LIPC: variants seen among roughly 807,000 people sequenced by gnomAD.
The protein encoded by LIPC is lipase C, hepatic type, also known as hepatic triacylglycerol lipase.
Under a neutral mutation model 50.7 loss-of-function variants are expected in LIPC, and 44 were observed. The ratio of observed to expected loss-of-function variants is 0.87; its 90% CI spans 0.68 to 1.11. The LOEUF is 1.11. Ranked by LOEUF, LIPC falls within the 50% of genes most tolerant of loss-of-function variation. LIPC has a pLI of 0.00. For missense variants in LIPC, 697 were observed against 648.2 expected (o/e 1.08, Z -0.82); for synonymous variants, 271 against 256.4 (o/e 1.06, Z -0.54).
At chr15:58,519,684 C>T (rs1416227105) in intron 1 of LIPC, among the ~76,000 whole-genome samples, 1 of 152,222 alleles carries the variant, frequency 6.6e-6, no homozygotes, top group Non-Finnish European at 1.5e-5. Context: ...TGAATATTTA[C>T]AGAATAGCGC....
intron 1 of LIPC, among the ~76,000 whole-genome samples, chr15:58,464,210 C>G (rs1239640462): frequency 6.6e-6 from 1 of 152,184 alleles, no homozygotes; most frequent in African/African-American, 2.4e-5. Flanking sequence ...TTTGTGGTGA[C>G]TTTATTGGCT....
chr15:58,441,004 A>T (rs1472672936), intron 1 of LIPC, among the ~76,000 whole-genome samples: 1 of 152,136 alleles, frequency 6.6e-6, no homozygotes, highest in African/African-American at 2.4e-5. Context: ...ACCACTGATG[A>T]GGGGGGTTGT....
intron 1 of LIPC, among the ~76,000 whole-genome samples, chr15:58,496,508 A>G (rs1381246929): frequency 2.0e-5 from 3 of 152,210 alleles, no homozygotes; most frequent in African/African-American, 4.8e-5. Context: ...AAGGAAGGGA[A>G]AGAATGACAG....
intron 1 of LIPC, among the ~76,000 whole-genome samples, chr15:58,504,963 A>G (rs988005984): frequency 1.2e-4 from 19 of 152,350 alleles, no homozygotes; most frequent in Admixed American, 5.9e-4. Flanking sequence ...CAGATAAAGA[A>G]TAGAACTCAT....
chr15:58,500,403 G>A (rs889421404), intron 1 of LIPC, among the ~76,000 whole-genome samples: 6 of 152,132 alleles, frequency 3.9e-5, no homozygotes, highest in Admixed American at 1.3e-4. Flanking sequence ...TCGTCTGAAC[G>A]TGCTTCCATG....
At chr15:58,504,089 C>G (rs1338813466) in intron 1 of LIPC, among the ~76,000 whole-genome samples, 1 of 152,206 alleles carries the variant, frequency 6.6e-6, no homozygotes, top group Non-Finnish European at 1.5e-5. Flanking sequence ...AATCCATACA[C>G]CAGTTTCAAG....
At chr15:58,436,556 A>G (rs1289515515) in intron 1 of LIPC, 1 of 290,188 alleles carries the variant, frequency 3.4e-6, no homozygotes, top group African/African-American at 2.2e-5. Flanking sequence ...ATGATTGCTG[A>G]TTTTTACATA....
chr15:58,491,810 G>C (rs1011748787), intron 1 of LIPC, among the ~76,000 whole-genome samples: 56 of 152,178 alleles, frequency 3.7e-4, no homozygotes, highest in African/African-American at 1.3e-3. Context: ...AAGAGGGCTG[G>C]GGTACCACAG....
intron 1 of LIPC, among the ~76,000 whole-genome samples, chr15:58,457,400 G>A (rs757535916): frequency 2.8e-4 from 42 of 152,158 alleles, no homozygotes; most frequent in Non-Finnish European, 5.1e-4. Flanking sequence ...GTGAGCCACC[G>A]CGCCCGGCAG....
intron 1 of LIPC, among the ~76,000 whole-genome samples, chr15:58,520,555 A>T (rs1355323251): frequency 6.6e-6 from 1 of 152,192 alleles, no homozygotes; most frequent in African/African-American, 2.4e-5. Context: ...AGCCCGCTGG[A>T]AAGCTGCCCC....
Position 58,519,163 on chromosome 15 carries a change from C to T in LIPC, c.89-19170C>T, listed in dbSNP as rs142604640. 2.7e-3 allele frequency among the ~76,000 whole-genome samples: 404 copies of T among 152,196 alleles called. 1 individual carries two copies. The highest frequency in any genetic ancestry group is 9.4e-3 in the African/African-American group (389 of 41,532). On this transcript the variant is annotated intron_variant, in intron 1 of 8. Transcript: ENST00000299022. ...GTGGCTCACGCCTGTAATCCCAGAA[C>T]TTCAGGAGGCCGAGGCAGGCAGATC...
intron 1 of LIPC, among the ~76,000 whole-genome samples, chr15:58,444,726 ACT>A (rs1893630258): frequency 6.6e-6 from 1 of 151,894 alleles, no homozygotes; most frequent in Non-Finnish European, 1.5e-5. Context: ...CTCTTTAAAG[ACT>A]CTGGCTCCAA....
At chr15:58,517,237 C>T (rs1254552148) in intron 1 of LIPC, among the ~76,000 whole-genome samples, 1 of 152,236 alleles carries the variant, frequency 6.6e-6, no homozygotes, top group Non-Finnish European at 1.5e-5. Context: ...AGGTTTTGAC[C>T]AATACCCAAT....
At chr15:58,506,422 G>C (rs1461072377) in intron 1 of LIPC, among the ~76,000 whole-genome samples, 7 of 152,158 alleles carry the variant, frequency 4.6e-5, no homozygotes, top group Admixed American at 4.6e-4. Context: ...CATGACCACT[G>C]TTCCAAGACA....
At chr15:58,491,820 G>T (rs113540504) in intron 1 of LIPC, among the ~76,000 whole-genome samples, 7 of 152,338 alleles carry the variant, frequency 4.6e-5, no homozygotes, top group African/African-American at 1.7e-4. Flanking sequence ...GGGTACCACA[G>T]GACTGTTGAC....
At chr15:58,480,616 A>C (rs34838631) in intron 1 of LIPC, among the ~76,000 whole-genome samples, 16,985 of 152,264 alleles carry the variant, frequency 0.11, 1,080 homozygotes, top group Middle Eastern at 0.18. Context: ...CATTTAAAAC[A>C]AGCTTGTCCA....
chr15:58,512,045 A>G (rs1267249796), intron 1 of LIPC, among the ~76,000 whole-genome samples: 1 of 152,096 alleles, frequency 6.6e-6, no homozygotes, highest in Non-Finnish European at 1.5e-5. Context: ...GTTATCTCTG[A>G]TTATGGGAAT....
At position 58,550,794 on chromosome 15, in the gene LIPC, C is replaced by CGTGCACCACCACGCCCAGCTAATTT. The variant is rs1353384609; in HGVS notation, c.1051+2222_1051+2223insGTGCACCACCACGCCCAGCTAATTT. Reference sequence around the variant, plus strand: ...GGGAGGTTCCAGTGCCGAGCTGTGGCTTGTACCACACCCTCTCCTTTTCTT... The same window carrying CGTGCACCACCACGCCCAGCTAATTT: ...GGGAGGTTCCAGTGCCGAGCTGTGGCGTGCACCACCACGCCCAGCTAATTTTTGTACCACACCCTCTCCTTTTCTT... On this transcript the variant is annotated intron_variant, in intron 6 of 8. Transcript: ENST00000299022. 7.2e-4 allele frequency among the ~76,000 whole-genome samples: 105 copies of CGTGCACCACCACGCCCAGCTAATTT among 145,506 alleles called. 1 individual carries two copies. The highest frequency in any genetic ancestry group is 2.6e-3 in the African/African-American group (101 of 39,226).
intron 6 of LIPC, among the ~76,000 whole-genome samples, chr15:58,559,662 C>G (rs1194081237): frequency 2.0e-5 from 3 of 149,030 alleles, no homozygotes; most frequent in Non-Finnish European, 4.4e-5. Context: ...GCCAAGGTGG[C>G]ACTGCACCCA....
Sources: allele counts gnomAD v4.1 joint callset (sites outside exome capture counted in the v4.1 genomes callset), GRCh38; gene constraint gnomAD v4.1.1; transcripts MANE v1.5; gene names NCBI Gene and HGNC (gene_info 2026-07-23, HGNC 2026-07-21).